The following DCTN4 variants were observed in gnomAD, a reference collection of about 807,000 sequenced individuals.
DCTN4 encodes the protein dynactin subunit 4, also known as dynactin 4 (p62).
A neutral mutation model predicts 62.7 loss-of-function variants in DCTN4; 23 were observed. The ratio of observed to expected loss-of-function variants is 0.37; its 90% CI spans 0.26 to 0.52. The LOEUF is 0.52. Among genes scored for constraint, DCTN4 ranks in the 20% least tolerant of loss-of-function variants. The pLI, the probability that DCTN4 is intolerant of heterozygous loss-of-function variation, is 0.92. For missense variants in DCTN4, 514 were observed against 580.4 expected (o/e 0.89, Z 1.18); for synonymous variants, 199 against 202.1 (o/e 0.98, Z 0.13).
intron 3 of DCTN4, 133 bp from the exon 4 acceptor site, chr5:150,742,290 T>G: frequency 1.2e-6 from 1 of 850,502 alleles, no homozygotes; most frequent in Non-Finnish European, 1.9e-6. Flanking sequence ...TATATAACTA[T>G]AGACTATAAT....
rs1433594393 is a variant in DCTN4, at chr5:150,709,326, T to C, written c.*1823A>G. The C allele has an allele frequency of 3.9e-5, 6 of 152,388 alleles. No homozygotes were observed. The highest frequency in any genetic ancestry group is 8.8e-5 in the Non-Finnish European group (6 of 68,038). 9.4% of individuals were successfully genotyped at this position (152,388 alleles called of 1,614,324 possible). A position where few individuals can be genotyped will look rare whatever the true frequency, so the allele number is the denominator to read the frequency against. ...GGGAATAAATACCAGCTACCTGCCA[T>C]AAACGCATGACATGTGTGTAGTCTA... On this transcript the variant is annotated 3_prime_UTR_variant, in exon 13 of 13. Transcript: ENST00000447998.
intron 2 of DCTN4, 25 bp downstream of exon 2, chr5:150,756,390 GAA>G: frequency 1.4e-6 from 2 of 1,407,728 alleles, no homozygotes; most frequent in Non-Finnish European, 1.9e-6. Context: ...AAAATAGGAA[GAA>G]AAAAAAAATC....
intron 4 of DCTN4, among the ~76,000 whole-genome samples, chr5:150,741,218 A>C (rs1760758414): frequency 6.6e-6 from 1 of 152,028 alleles, no homozygotes; most frequent in Admixed American, 6.5e-5. Flanking sequence ...AAGAATAAAA[A>C]GCAAAACTTC....
chr5:150,751,843 T>A (rs988416741), intron 3 of DCTN4, among the ~76,000 whole-genome samples: 1 of 152,156 alleles, frequency 6.6e-6, no homozygotes, highest in Non-Finnish European at 1.5e-5. Context: ...GCAAATTCAA[T>A]AGAATCAAGG....
chr5:150,756,443 C>A lies in DCTN4; in HGVS notation c.180G>T (p.Ser60=). 1 of 1,601,854 alleles carries A rather than the reference C, an allele frequency of 6.2e-7. No homozygotes were observed. Among genetic ancestry groups the A allele is most frequent in the African/African-American group, 1.3e-5 (1 of 74,076 alleles). The change falls in exon 2 of 13, where the codon TCG becomes TCT. Residue 60 remains serine (S), a synonymous_variant. Transcript: ENST00000447998. ...YCPSCLENMP[S]AEAKLKKNRC... is the part of the protein sequence containing the mutation. ...TATTCTTTTTTAGTTTGGCTTCAGC[C>A]GATGGCATATTTTCTAAACAACTGG...
chr5:150,758,366 C>T (rs749796441), intron 1 of DCTN4: 5 of 986,472 alleles, frequency 5.1e-6, no homozygotes, highest in Admixed American at 6.1e-5. Flanking sequence ...CTCTTCCCGG[C>T]TGCAGGCCTT....
At chr5:150,713,770 T>C (rs990187471) in intron 12 of DCTN4, among the ~76,000 whole-genome samples, 22 of 151,918 alleles carry the variant, frequency 1.4e-4, no homozygotes, top group African/African-American at 5.3e-4. Context: ...ACCCACCTTG[T>C]TATCTCTTCT....
At chr5:150,711,394 AG>A (rs757989208) in intron 12 of DCTN4, 32 bp from the exon 13 acceptor site, 1 of 1,577,192 alleles carries the variant, frequency 6.3e-7, no homozygotes, top group East Asian at 2.2e-5. Context: ...AGTATTAGGT[AG>A]ATAAAAAAAT....
chr5:150,720,220 C>T (rs753666348), intron 9 of DCTN4, among the ~76,000 whole-genome samples: 2 of 152,042 alleles, frequency 1.3e-5, no homozygotes, highest in South Asian at 2.1e-4. Flanking sequence ...TAACGTAATA[C>T]GAAATCTATT....
At chr5:150,734,834 C>T (rs895474563) in intron 4 of DCTN4, among the ~76,000 whole-genome samples, 3 of 152,184 alleles carry the variant, frequency 2.0e-5, no homozygotes, top group Admixed American at 1.3e-4. Flanking sequence ...TTGCTGGCTG[C>T]ATGGGAGCTG....
At chr5:150,751,476 T>C (rs1186077995) in intron 3 of DCTN4, among the ~76,000 whole-genome samples, 1 of 152,180 alleles carries the variant, frequency 6.6e-6, no homozygotes, top group East Asian at 1.9e-4. Context: ...CTGTTTCTTT[T>C]ACTTGATAAA....
intron 9 of DCTN4, 48 bp from the exon 10 acceptor site, chr5:150,719,818 A>T (rs1759895787): frequency 8.1e-7 from 1 of 1,228,534 alleles, no homozygotes; most frequent in African/African-American, 1.5e-5. Flanking sequence ...AGTCTCTTAA[A>T]ATTATTATTA....
At chr5:150,731,237 T>C (rs1358826469) in intron 6 of DCTN4, 81 bp from the exon 7 acceptor site, 5 of 1,037,486 alleles carry the variant, frequency 4.8e-6, no homozygotes, top group Admixed American at 3.8e-5. Context: ...CAGTCTATGA[T>C]ATCAATAATT....
chr5:150,742,502 C>A (rs201368512), intron 3 of DCTN4, among the ~76,000 whole-genome samples: 1 of 152,118 alleles, frequency 6.6e-6, no homozygotes, highest in Non-Finnish European at 1.5e-5. Flanking sequence ...CAAAGTCACA[C>A]GGAGAGTAAG....
rs753400206 is a variant in DCTN4 at position 150,730,612 on chromosome 5, T to C, written c.834+19A>G. ...TTTCCTCTTGTACAAATGGTCAGTC[T>C]ACAGAATGGAATACTTACACGGCAG... On this transcript the variant is annotated intron_variant, in intron 8 of 12. Coordinates refer to ENST00000447998, the MANE Select transcript of DCTN4 (RefSeq NM_016221.4). The C allele has an allele frequency of 6.2e-7, 1 of 1,607,734 alleles. No individual in the cohort carries two copies. The highest frequency in any genetic ancestry group is 8.5e-7 in the Non-Finnish European group (1 of 1,174,542).
chr5:150,743,070 G>C (rs578254776), intron 3 of DCTN4: 1 of 152,832 alleles, frequency 6.5e-6, no homozygotes, highest in South Asian at 2.1e-4. Context: ...CCCTTTCCTG[G>C]TCAAGGAAAG....
At chr5:150,727,254 T>C (rs1760180232) in intron 8 of DCTN4, among the ~76,000 whole-genome samples, 3 of 152,242 alleles carry the variant, frequency 2.0e-5, no homozygotes, top group Non-Finnish European at 4.4e-5. Context: ...ATAGCTTTCA[T>C]ATTTGCAACT....
intron 5 of DCTN4, chr5:150,731,920 A>G (rs1760385738): frequency 6.4e-7 from 1 of 1,551,572 alleles, no homozygotes; most frequent in Non-Finnish European, 8.7e-7. Flanking sequence ...TAGAGCCCCA[A>G]AATAGCAGCA....
chr5:150,754,322 C>T (rs1752780198), intron 2 of DCTN4, among the ~76,000 whole-genome samples: 1 of 152,144 alleles, frequency 6.6e-6, no homozygotes, highest in Non-Finnish European at 1.5e-5. Context: ...CTTGCATTAT[C>T]TGTTATAGTC....
Sources: allele counts gnomAD v4.1 joint callset (sites outside exome capture counted in the v4.1 genomes callset), GRCh38; gene constraint gnomAD v4.1.1; transcripts MANE v1.5; gene names NCBI Gene and HGNC (gene_info 2026-07-23, HGNC 2026-07-21).